BOLL: variants seen among roughly 807,000 people sequenced by gnomAD.
BOLL encodes boule RNA binding protein, also known as protein boule-like.
Under a neutral mutation model 44.4 loss-of-function variants are expected in BOLL, and 23 were observed. That is an observed-to-expected ratio of 0.52 (90% confidence interval 0.37 to 0.73). The LOEUF (loss-of-function observed/expected upper bound fraction) is 0.73. Ranked by LOEUF, BOLL falls within the 30% of genes least tolerant of loss-of-function variation. The pLI, the probability that BOLL is intolerant of heterozygous loss-of-function variation, is 0.00. For synonymous variants in BOLL, 97 were observed against 110.8 expected, an observed-to-expected ratio of 0.88 and a Z score of 0.78; for missense variants, 287 against 338.3, an observed-to-expected ratio of 0.85 and a Z score of 1.19.
chr2:197,741,925 T>C (rs1006085845), intron 10 of BOLL, among the ~76,000 whole-genome samples: 2 of 152,076 alleles, frequency 1.3e-5, no homozygotes, highest in Non-Finnish European at 2.9e-5. Context: ...TGACAAAGGA[T>C]ATCTCTAATA....
Position 197,778,860 on chromosome 2 carries a change from G to A in BOLL, c.221+115C>T, listed in dbSNP as rs1689639938. On this transcript the variant is annotated intron_variant, in intron 3 of 10. Transcript: ENST00000392296. ...GAAATCAAAAGGTAGGAGGAAAGAAGAGGGCATGATGGTCTCTGCTGGAAA... is the reference window on the plus strand; with the variant it reads ...GAAATCAAAAGGTAGGAGGAAAGAAAAGGGCATGATGGTCTCTGCTGGAAA... 4.0e-6 allele frequency: 3 copies of A among 750,954 alleles called. No homozygotes were observed. In the East Asian group the frequency reaches 8.2e-5, roughly 20 times the overall value. The allele number at this position is 750,954 out of a possible 1,614,324, so 46.5% of individuals were successfully genotyped here. A position where few individuals can be genotyped will look rare whatever the true frequency, so the allele number is the denominator to read the frequency against.
At chr2:197,778,857 G>C in intron 3 of BOLL, 118 bp downstream of exon 3, 1 of 735,156 alleles carries the variant, frequency 1.4e-6, no homozygotes, top group Non-Finnish European at 2.2e-6. Context: ...TAGGAGGAAA[G>C]AAGAGGGCAT....
At chr2:197,731,427 T>A (rs1454304753) in intron 10 of BOLL, among the ~76,000 whole-genome samples, 1 of 145,456 alleles carries the variant, frequency 6.9e-6, no homozygotes, top group Non-Finnish European at 1.5e-5. Flanking sequence ...TCAACAAGGA[T>A]ACCCAGGAAT....
intron 9 of BOLL, among the ~76,000 whole-genome samples, chr2:197,745,167 A>G (rs1047961434): frequency 6.6e-6 from 1 of 152,188 alleles, no homozygotes; most frequent in Non-Finnish European, 1.5e-5. Flanking sequence ...AGTGGGTGCA[A>G]TCTGGTAGTA....
chr2:197,777,033 A>T, intron 4 of BOLL, 26 bp downstream of exon 4: 1 of 1,511,414 alleles, frequency 6.6e-7, no homozygotes, highest in Non-Finnish European at 9.0e-7. Flanking sequence ...TCCAGAAATG[A>T]AGTTAAATAC....
chr2:197,767,705 C>T (rs990174534), intron 6 of BOLL, among the ~76,000 whole-genome samples: 16 of 151,966 alleles, frequency 1.1e-4, no homozygotes, highest in African/African-American at 3.6e-4. Flanking sequence ...TTCTAAACAT[C>T]CTACAGTGCA....
rs1687474403 is a variant in BOLL at position 197,736,138 on chromosome 2, CAT to C, written c.828+6921_828+6922del. 2.6e-5 allele frequency among the ~76,000 whole-genome samples: 4 copies of C among 152,094 alleles called. No homozygotes were observed. The South Asian group carries it at 8.3e-4, about 32-fold the overall frequency. On this transcript the variant is annotated intron_variant, in intron 10 of 10. Transcript: ENST00000392296. ...CAAATTAACACTGCCAGTAATTAGA[CAT>C]ATTGGCATCTCATATCCCCTGATAT...
At chr2:197,741,830 A>G (rs1428170174) in intron 10 of BOLL, among the ~76,000 whole-genome samples, 1 of 152,192 alleles carries the variant, frequency 6.6e-6, no homozygotes, top group Non-Finnish European at 1.5e-5. Context: ...ATTAAACTAA[A>G]GAGCTTCTGC....
intron 5 of BOLL, 116 bp downstream of exon 5, chr2:197,775,549 A>T: frequency 1.4e-6 from 1 of 715,744 alleles, no homozygotes; most frequent in Non-Finnish European, 2.2e-6. Flanking sequence ...CTTTGCTAAA[A>T]TAACTTTATT....
intron 9 of BOLL, among the ~76,000 whole-genome samples, chr2:197,749,397 T>C (rs1245914919): frequency 1.3e-5 from 2 of 152,008 alleles, no homozygotes; most frequent in Admixed American, 1.3e-4. Context: ...GTTTGATGAA[T>C]TGACAGAAGT....
At chr2:197,772,796 T>C (rs1689327249) in intron 5 of BOLL, among the ~76,000 whole-genome samples, 2 of 152,062 alleles carry the variant, frequency 1.3e-5, no homozygotes, top group Admixed American at 1.3e-4. Context: ...AGCAAGGTTA[T>C]ATAAATTAGT....
intron 6 of BOLL, among the ~76,000 whole-genome samples, chr2:197,768,807 T>G (rs1339588443): frequency 3.4e-5 from 5 of 148,880 alleles, no homozygotes; most frequent in Non-Finnish European, 7.4e-5. Flanking sequence ...TTATCATAAA[T>G]AGCTCTTATT....
intron 4 of BOLL, 101 bp from the exon 5 acceptor site, chr2:197,775,841 A>G (rs1249911390): frequency 3.1e-6 from 2 of 640,768 alleles, no homozygotes; most frequent in Non-Finnish European, 4.9e-6. Flanking sequence ...AATTCAGACT[A>G]TAATATTCTT....
intron 6 of BOLL, among the ~76,000 whole-genome samples, chr2:197,768,106 A>G (rs778376052): frequency 7.2e-5 from 11 of 152,096 alleles, no homozygotes; most frequent in South Asian, 2.1e-4. Flanking sequence ...ACAATCTATT[A>G]GGAAATGTTA....
chr2:197,734,236 A>G (rs1433144897), intron 10 of BOLL, among the ~76,000 whole-genome samples: 31 of 151,866 alleles, frequency 2.0e-4, no homozygotes, highest in Non-Finnish European at 3.7e-4. Context: ...TGGCCATCAG[A>G]GAAATGCAAA....
chr2:197,729,097 G>A (rs368091608), intron 10 of BOLL, among the ~76,000 whole-genome samples: 241 of 152,296 alleles, frequency 1.6e-3, no homozygotes, highest in African/African-American at 5.6e-3. Context: ...CCAGACAGTG[G>A]GCGCAGGTCA....
At chr2:197,730,819 A>G (rs1342588283) in intron 10 of BOLL, among the ~76,000 whole-genome samples, 1 of 152,206 alleles carries the variant, frequency 6.6e-6, no homozygotes, top group Non-Finnish European at 1.5e-5. Flanking sequence ...GGAAGCACTA[A>G]ACATGGAAAG....
chr2:197,783,290 AAAAG>A (rs1214158667), intron 1 of BOLL, among the ~76,000 whole-genome samples: 5 of 152,208 alleles, frequency 3.3e-5, no homozygotes, highest in Non-Finnish European at 7.3e-5. Flanking sequence ...CCCCATCTCA[AAAAG>A]AAAGAAAAAG....
At chr2:197,745,673 C>T (rs1233413704) in intron 9 of BOLL, among the ~76,000 whole-genome samples, 3 of 152,132 alleles carry the variant, frequency 2.0e-5, no homozygotes, top group African/African-American at 4.8e-5. Context: ...ATGCCATCAT[C>T]AATTAAAGAA....
Sources: allele counts gnomAD v4.1 joint callset (sites outside exome capture counted in the v4.1 genomes callset), GRCh38; gene constraint gnomAD v4.1.1; transcripts MANE v1.5; gene names NCBI Gene and HGNC (gene_info 2026-07-23, HGNC 2026-07-21).